The following SLC9B2 variants were observed in gnomAD, a reference collection of about 807,000 sequenced individuals.
SLC9B2 encodes sodium/hydrogen exchanger 9B2.
A neutral mutation model predicts 52.2 loss-of-function variants in SLC9B2; 39 were observed. The ratio of observed to expected loss-of-function variants is 0.75; its 90% CI spans 0.58 to 0.98. SLC9B2 has a LOEUF of 0.98. Ranked by LOEUF, SLC9B2 falls within the 50% of genes least tolerant of loss-of-function variation. The probability of loss-of-function intolerance (pLI) is 0.00; values close to 1 mark genes in which losing one functional copy is unlikely to be tolerated. For synonymous variants in SLC9B2, 214 were observed against 227.0 expected, an observed-to-expected ratio of 0.94 and a Z score of 0.51; for missense variants, 626 against 637.5, an observed-to-expected ratio of 0.98 and a Z score of 0.19.
chr4:103,076,931 G>T (rs1747238752), upstream of SLC9B2: 1 of 152,274 alleles, frequency 6.6e-6, no homozygotes, highest in South Asian at 2.1e-4. Flanking sequence ...GCGGTGGGAA[G>T]ATAGGATTCT....
chr4:103,033,651 T>A (rs1398400852), intron 9 of SLC9B2, among the ~76,000 whole-genome samples: 2 of 152,246 alleles, frequency 1.3e-5, no homozygotes, highest in East Asian at 3.9e-4. Context: ...AAATCATTAT[T>A]TCTATACACA....
intron 9 of SLC9B2, among the ~76,000 whole-genome samples, chr4:103,032,693 C>A (rs1289029464): frequency 6.6e-6 from 1 of 152,168 alleles, no homozygotes; most frequent in East Asian, 1.9e-4. Context: ...CAACCAGCAG[C>A]ACCTAGTGGC....
chr4:103,045,084 T>C, intron 7 of SLC9B2, 88 bp from the exon 8 acceptor site: 1 of 831,472 alleles, frequency 1.2e-6, no homozygotes, highest in South Asian at 1.8e-5. Flanking sequence ...AGCATCTAAT[T>C]ACAAAGAAGA....
chr4:103,029,882 A>G (rs1175603389), intron 10 of SLC9B2, among the ~76,000 whole-genome samples: 1 of 152,188 alleles, frequency 6.6e-6, no homozygotes, highest in Non-Finnish European at 1.5e-5. Context: ...AAGGATAAGT[A>G]GTTTTCTCAA....
At chr4:103,070,386 C>A (rs1454071309) in intron 1 of SLC9B2, among the ~76,000 whole-genome samples, 1 of 152,222 alleles carries the variant, frequency 6.6e-6, no homozygotes, top group Admixed American at 6.5e-5. Flanking sequence ...TCTCCTTACT[C>A]ATAGAGAGGC....
chr4:103,045,023 A>C, intron 7 of SLC9B2, 27 bp from the exon 8 acceptor site: 1 of 1,491,218 alleles, frequency 6.7e-7, no homozygotes, highest in Non-Finnish European at 9.3e-7. Context: ...AAAAACTTAG[A>C]GCTCTAAATC....
intron 4 of SLC9B2, among the ~76,000 whole-genome samples, chr4:103,055,656 A>AG (rs1370630457): frequency 4.0e-5 from 6 of 151,130 alleles, no homozygotes; most frequent in Admixed American, 1.3e-4. Context: ...AGCTAACAGA[A>AG]AAAAAAAAAC....
chr4:103,045,631 G>T (rs546377315), intron 7 of SLC9B2, among the ~76,000 whole-genome samples: 1 of 151,968 alleles, frequency 6.6e-6, no homozygotes, highest in Non-Finnish European at 1.5e-5. Context: ...GGGGTGGGGC[G>T]GGGAGAGGAA....
At chr4:103,055,453 T>C (rs1745048766) in intron 4 of SLC9B2, among the ~76,000 whole-genome samples, 2 of 152,338 alleles carry the variant, frequency 1.3e-5, no homozygotes, top group South Asian at 4.1e-4. Context: ...ACAAAAAGTT[T>C]CCATGAGAAA....
chr4:103,044,160 C>T (rs1166885231), intron 8 of SLC9B2, among the ~76,000 whole-genome samples: 2 of 152,122 alleles, frequency 1.3e-5, no homozygotes, highest in African/African-American at 4.8e-5. Context: ...TTCCCAGTTC[C>T]ACCGCTTTCT....
intron 4 of SLC9B2, among the ~76,000 whole-genome samples, chr4:103,055,618 A>T (rs1745062105): frequency 6.6e-6 from 1 of 152,052 alleles, no homozygotes; most frequent in African/African-American, 2.4e-5. Context: ...GGTGAATGTT[A>T]GCGAATCCTG....
chr4:103,045,853 G>A (rs530656778), intron 7 of SLC9B2, among the ~76,000 whole-genome samples: 3 of 152,150 alleles, frequency 2.0e-5, no homozygotes, highest in Admixed American at 1.3e-4. Context: ...TTTAAAAATC[G>A]CCCAGGTAAT....
chr4:103,032,531 G>A lies in SLC9B2; in HGVS notation c.1147-723C>T, dbSNP rs574349998. On this transcript the variant is annotated intron_variant, in intron 9 of 11. Transcript: ENST00000394785. ...CACCATGTTAAACTTTGTCAGTAGA[G>A]TGTGCTAAAGAGATATTGCAAGCTG... Among the ~76,000 whole-genome samples, 60 of 152,102 alleles carry A rather than the reference G, an allele frequency of 3.9e-4. 1 individual carries two copies. Among genetic ancestry groups the A allele is most frequent in the Non-Finnish European group, 7.3e-5 (5 of 68,028 alleles).
intron 3 of SLC9B2, among the ~76,000 whole-genome samples, chr4:103,063,965 G>A (rs1195654778): frequency 6.6e-6 from 1 of 152,192 alleles, no homozygotes; most frequent in East Asian, 1.9e-4. Context: ...TGCCTGTCAG[G>A]ATGGCTATTA....
At chr4:103,053,520 A>G (rs1744866957) in intron 4 of SLC9B2, among the ~76,000 whole-genome samples, 2 of 152,170 alleles carry the variant, frequency 1.3e-5, no homozygotes, top group African/African-American at 4.8e-5. Flanking sequence ...TGTTTTTGCA[A>G]TAGGCATGGA....
At chr4:103,029,881 T>C (rs924861408) in intron 10 of SLC9B2, among the ~76,000 whole-genome samples, 1 of 152,156 alleles carries the variant, frequency 6.6e-6, no homozygotes, top group African/African-American at 2.4e-5. Flanking sequence ...AAAGGATAAG[T>C]AGTTTTCTCA....
intron 3 of SLC9B2, among the ~76,000 whole-genome samples, 164 bp downstream of exon 3, chr4:103,066,163 C>T (rs1746102650): frequency 6.6e-6 from 1 of 152,210 alleles, no homozygotes; most frequent in Non-Finnish European, 1.5e-5. Flanking sequence ...AGGTCCTTCC[C>T]TTGAATGTGT....
intron 11 of SLC9B2, among the ~76,000 whole-genome samples, chr4:103,027,810 G>A (rs1055290292): frequency 2.0e-5 from 3 of 152,142 alleles, no homozygotes; most frequent in Non-Finnish European, 4.4e-5. Context: ...TGATAGGGGT[G>A]AGGGGAATTC....
chr4:103,049,097 C>A, intron 5 of SLC9B2, 77 bp from the exon 6 acceptor site: 2 of 1,539,166 alleles, frequency 1.3e-6, no homozygotes, highest in Non-Finnish European at 8.8e-7. Flanking sequence ...GCTTTCTCTT[C>A]AGTATATGGA....
Sources: gnomAD v4.1 joint callset for allele counts (sites outside exome capture counted in the v4.1 genomes callset) on GRCh38, gnomAD v4.1.1 for gene constraint, MANE v1.5 for transcripts, NCBI Gene and HGNC (gene_info 2026-07-23, HGNC 2026-07-21) for gene names.